The following LAMA1 variants were observed in gnomAD, a reference collection of about 807,000 sequenced individuals.
LAMA1 encodes the protein laminin subunit alpha 1, also known as laminin subunit alpha-1.
Under a neutral mutation model 348.7 loss-of-function variants are expected in LAMA1, and 219 were observed. The observed-to-expected ratio is 0.63, with a 90% CI of 0.56 to 0.70. The LOEUF is 0.70. Among genes scored for constraint, LAMA1 ranks in the 30% least tolerant of loss-of-function variants. The pLI is 0.00. For synonymous variants in LAMA1, 1,487 were observed against 1,491.0 expected, an observed-to-expected ratio of 1.00 and a Z score of 0.06; for missense variants, 3,744 against 3,888.0, an observed-to-expected ratio of 0.96 and a Z score of 0.99.
chr18:7,116,814 CTT>C (rs747466741), intron 1 of LAMA1, among the ~76,000 whole-genome samples: 1 of 149,072 alleles, frequency 6.7e-6, no homozygotes, highest in Non-Finnish European at 1.5e-5. Flanking sequence ...TTTCTTTTCT[CTT>C]TCTCTCTCTC....
At chr18:7,116,990 G>A (rs1247814504) in intron 1 of LAMA1, among the ~76,000 whole-genome samples, 2 of 152,056 alleles carry the variant, frequency 1.3e-5, no homozygotes, top group African/African-American at 4.8e-5. Flanking sequence ...CGCAGTGAAT[G>A]AGCGGGTTTG....
intron 3 of LAMA1, among the ~76,000 whole-genome samples, chr18:7,053,780 ATTTT>A (rs371341214): frequency 1.4e-5 from 2 of 138,286 alleles, no homozygotes; most frequent in Admixed American, 7.2e-5. Context: ...TCATTAGAGG[ATTTT>A]TTTTTTTTTT....
rs112441451 is a variant in LAMA1 at position 7,086,926 on chromosome 18, A to ATCTT, written c.62-6470_62-6469insAAGA. Among the ~76,000 whole-genome samples, 3 of 151,722 alleles carry ATCTT rather than the reference A, an allele frequency of 2.0e-5. No individual in the cohort carries two copies. The East Asian group carries it at 5.8e-4, about 29-fold the overall frequency. On this transcript the variant is annotated intron_variant, in intron 1 of 62. Transcript: ENST00000389658. ...CTACCAGCTAAATCTGCCCACCATG[A>ATCTT]TCTCTCTATTTAGAAAATGAAGTGA...
chr18:7,004,988 A>G (rs946682451), intron 29 of LAMA1, among the ~76,000 whole-genome samples: 38 of 152,252 alleles, frequency 2.5e-4, no homozygotes, highest in African/African-American at 9.1e-4. Flanking sequence ...GGCCATGGAG[A>G]CACAGCACCT....
At chr18:7,096,683 T>C (rs2058262583) in intron 1 of LAMA1, among the ~76,000 whole-genome samples, 1 of 151,960 alleles carries the variant, frequency 6.6e-6, no homozygotes, top group African/African-American at 2.4e-5. Context: ...CCCCACCCCA[T>C]TCCATATGTG....
chr18:7,044,286 A>C (rs1026965493), intron 7 of LAMA1, among the ~76,000 whole-genome samples: 1 of 151,904 alleles, frequency 6.6e-6, no homozygotes, highest in Non-Finnish European at 1.5e-5. Flanking sequence ...TAACAATTTT[A>C]GGAAGGACAT....
chr18:7,017,308 G>A lies in LAMA1; in HGVS notation c.2778C>T (p.Asn926=), dbSNP rs371323342. 4.4e-5 allele frequency: 71 copies of A among 1,613,804 alleles called. No individual in the cohort carries two copies. The highest frequency in any genetic ancestry group is 5.3e-5 in the African/African-American group (4 of 74,894). The part of the protein sequence containing the change: ...LETGLCDCKP[N]VTGQQCDQCL... ...ACTGGTCACACTGCTGTCCAGTCAC[G>A]TTTGGTTTGCAGTCACAGAGCCCGG... Residue 926 remains asparagine (N), a synonymous_variant, in exon 20 of 63, where the codon AAC becomes AAT. Transcript: ENST00000389658.
chr18:7,099,997 T>C (rs2058284878), intron 1 of LAMA1, among the ~76,000 whole-genome samples: 1 of 141,306 alleles, frequency 7.1e-6, no homozygotes, highest in Non-Finnish European at 1.5e-5. Flanking sequence ...AGGCGGAGCT[T>C]GCAGTGAGCC....
intron 3 of LAMA1, among the ~76,000 whole-genome samples, chr18:7,064,765 A>T (rs868017226): frequency 2.9e-4 from 44 of 152,334 alleles, no homozygotes; most frequent in African/African-American, 9.6e-4. Flanking sequence ...CTTCCTTCAT[A>T]TGAAGAACAC....
chr18:7,046,875 T>G (rs959769475), intron 5 of LAMA1, among the ~76,000 whole-genome samples: 1 of 152,230 alleles, frequency 6.6e-6, no homozygotes, highest in Non-Finnish European at 1.5e-5. Flanking sequence ...TTTCCATTGT[T>G]CATTGCTAGT....
chr18:6,955,733 T>C (rs1301153867), intron 56 of LAMA1: 3 of 549,728 alleles, frequency 5.5e-6, no homozygotes, highest in Non-Finnish European at 1.0e-5. Flanking sequence ...AAGTCTCTCC[T>C]ACAAATTTTC....
intron 3 of LAMA1, among the ~76,000 whole-genome samples, chr18:7,054,460 G>A (rs2058073727): frequency 6.6e-6 from 1 of 151,802 alleles, no homozygotes; most frequent in Non-Finnish European, 1.5e-5. Flanking sequence ...AACTCAGGTT[G>A]GGGTAGCAAG....
intron 53 of LAMA1, among the ~76,000 whole-genome samples, chr18:6,961,338 T>C (rs2057606071): frequency 1.3e-5 from 2 of 152,300 alleles, no homozygotes; most frequent in South Asian, 2.1e-4. Context: ...TTTAAAAAAT[T>C]AGAGGTAGAC....
intron 36 of LAMA1, among the ~76,000 whole-genome samples, chr18:6,987,057 C>A (rs2057738709): frequency 6.6e-6 from 1 of 152,156 alleles, no homozygotes; most frequent in Non-Finnish European, 1.5e-5. Flanking sequence ...CTGCGCCCGG[C>A]CCAAAGCTTT....
intron 46 of LAMA1, among the ~76,000 whole-genome samples, 197 bp downstream of exon 46, chr18:6,974,706 C>T (rs544239784): frequency 1.1e-3 from 165 of 152,050 alleles, no homozygotes; most frequent in African/African-American, 3.8e-3. Flanking sequence ...CCTTGGCCTC[C>T]GAAAGTGCTG....
intron 1 of LAMA1, among the ~76,000 whole-genome samples, chr18:7,092,951 G>A (rs1372340638): frequency 1.3e-5 from 2 of 152,126 alleles, no homozygotes; most frequent in Admixed American, 6.5e-5. Flanking sequence ...AGGTGCAATC[G>A]CATGGGGAAA....
chr18:6,955,501 C>A, intron 56 of LAMA1, 36 bp from the exon 57 acceptor site: 1 of 1,528,232 alleles, frequency 6.5e-7, no homozygotes, highest in South Asian at 1.1e-5. Context: ...AGCCGCCACC[C>A]GCAGCCCGAA....
intron 1 of LAMA1, among the ~76,000 whole-genome samples, chr18:7,113,746 C>T (rs934237186): frequency 2.0e-5 from 3 of 152,024 alleles, no homozygotes; most frequent in African/African-American, 7.2e-5. Context: ...CTGAGAAAAA[C>T]AAACAATTCC....
intron 3 of LAMA1, among the ~76,000 whole-genome samples, chr18:7,060,178 T>C (rs975232615): frequency 1.3e-5 from 2 of 152,246 alleles, no homozygotes; most frequent in African/African-American, 4.8e-5. Flanking sequence ...ATACACATTT[T>C]AAATACATTT....
Sources: allele counts gnomAD v4.1 joint callset (sites outside exome capture counted in the v4.1 genomes callset), GRCh38; gene constraint gnomAD v4.1.1; transcripts MANE v1.5; gene names NCBI Gene and HGNC (gene_info 2026-07-23, HGNC 2026-07-21).